The following ARHGAP24 variants were observed in gnomAD, a reference collection of about 807,000 sequenced individuals.
ARHGAP24 encodes Rho GTPase activating protein 24, also known as rho GTPase-activating protein 24.
ARHGAP24 carries 50 observed loss-of-function variants against 76.4 expected under a neutral mutation model. The observed-to-expected ratio is 0.65, with a 90% CI of 0.52 to 0.83. The LOEUF (loss-of-function observed/expected upper bound fraction) is 0.83. ARHGAP24 is among the 40% of genes least tolerant of loss of function. The pLI is 0.00. For synonymous variants in ARHGAP24, 345 were observed against 323.3 expected (o/e 1.07, Z -0.72); for missense variants, 930 against 914.2 (o/e 1.02, Z -0.22).
At chr4:85,777,703 GC>G (rs1217576595) in intron 3 of ARHGAP24, among the ~76,000 whole-genome samples, 20 of 152,244 alleles carry the variant, frequency 1.3e-4, no homozygotes, top group South Asian at 4.1e-4. Context: ...GGAAGCTATT[GC>G]TTGTCTGTTA....
intron 3 of ARHGAP24, among the ~76,000 whole-genome samples, chr4:85,826,782 G>A (rs1038463395): frequency 1.3e-5 from 2 of 152,174 alleles, no homozygotes; most frequent in Non-Finnish European, 1.5e-5. Flanking sequence ...TGACACCTAG[G>A]AGGTTAAATT....
intron 3 of ARHGAP24, among the ~76,000 whole-genome samples, chr4:85,755,017 C>T (rs543578724): frequency 6.6e-6 from 1 of 152,268 alleles, no homozygotes; most frequent in African/African-American, 2.4e-5. Flanking sequence ...TATAGATTGC[C>T]TCTATAAGTT....
At chr4:85,974,227 C>T (rs1392033595) in intron 6 of ARHGAP24, among the ~76,000 whole-genome samples, 2 of 152,042 alleles carry the variant, frequency 1.3e-5, no homozygotes, top group Non-Finnish European at 2.9e-5. Flanking sequence ...GCTGCTTTTG[C>T]ACTACAACAG....
chr4:85,776,376 TA>T (rs1418173790), intron 3 of ARHGAP24, among the ~76,000 whole-genome samples: 2 of 152,190 alleles, frequency 1.3e-5, no homozygotes, highest in African/African-American at 4.8e-5. Context: ...ACTACACTAG[TA>T]TTCTGAAATT....
intron 3 of ARHGAP24, among the ~76,000 whole-genome samples, chr4:85,912,040 G>A (rs959650330): frequency 6.6e-6 from 1 of 152,120 alleles, no homozygotes; most frequent in African/African-American, 2.4e-5. Flanking sequence ...CCTAATTCTA[G>A]AAACAGATTG....
At chr4:85,925,702 T>C (rs1444700536) in intron 4 of ARHGAP24, among the ~76,000 whole-genome samples, 2 of 152,176 alleles carry the variant, frequency 1.3e-5, no homozygotes, top group Non-Finnish European at 2.9e-5. Flanking sequence ...ATACGAAAAA[T>C]ATAGTATATA....
At chr4:85,534,791 ATGGAAG>A (rs1164242130) in intron 1 of ARHGAP24, among the ~76,000 whole-genome samples, 1 of 152,104 alleles carries the variant, frequency 6.6e-6, no homozygotes, top group East Asian at 1.9e-4. Flanking sequence ...CTCTAACCTA[ATGGAAG>A]TGGAAGTCAC....
intron 3 of ARHGAP24, among the ~76,000 whole-genome samples, chr4:85,778,365 A>C (rs2110082383): frequency 6.6e-6 from 1 of 152,322 alleles, no homozygotes; most frequent in Admixed American, 6.5e-5. Context: ...CTTATTATGC[A>C]AGGATATAGA....
intron 3 of ARHGAP24, among the ~76,000 whole-genome samples, chr4:85,842,348 G>T (rs1342216284): frequency 1.3e-5 from 2 of 151,872 alleles, no homozygotes; most frequent in African/African-American, 2.4e-5. Flanking sequence ...TTTCTGCCTG[G>T]GTGATGCTGG....
chr4:85,545,296 C>T (rs1032945621), intron 1 of ARHGAP24, among the ~76,000 whole-genome samples: 3 of 152,090 alleles, frequency 2.0e-5, no homozygotes, highest in East Asian at 1.9e-4. Flanking sequence ...GACGGGGTTT[C>T]GCCAAGTTGG....
chr4:85,498,929 T>G (rs1723687145), intron 1 of ARHGAP24, among the ~76,000 whole-genome samples: 1 of 152,248 alleles, frequency 6.6e-6, no homozygotes. Context: ...CATACATTTA[T>G]TTTTTCTTTT....
At chr4:85,771,153 G>T (rs1727116145) in intron 3 of ARHGAP24, among the ~76,000 whole-genome samples, 1 of 152,160 alleles carries the variant, frequency 6.6e-6, no homozygotes, top group Admixed American at 6.5e-5. Flanking sequence ...AAACCAAAAG[G>T]AGATATATAG....
intron 3 of ARHGAP24, among the ~76,000 whole-genome samples, chr4:85,725,563 T>C (rs917172499): frequency 3.3e-5 from 5 of 152,252 alleles, no homozygotes; most frequent in Non-Finnish European, 7.3e-5. Flanking sequence ...ACACAGATGA[T>C]ACTGCTGGGG....
Position 85,657,379 on chromosome 4 carries a change from TAGTTTCATAACTTAA to T in ARHGAP24, c.181-64492_181-64478del, listed in dbSNP as rs1236591880. On this transcript the variant is annotated intron_variant, in intron 2 of 9. Coordinates refer to ENST00000395184, the MANE Select transcript of ARHGAP24 (RefSeq NM_001025616.3). The stretch of plus-strand genomic sequence containing the variant: ...GTTTCATAACTAAAGTTTGAACCTT[TAGTTTCATAACTTAA>T]AGTTTCATAACTTTAAGAAGGATTT... Among the ~76,000 whole-genome samples, 13 of 152,368 alleles carry T rather than the reference TAGTTTCATAACTTAA, an allele frequency of 8.5e-5. No homozygotes were observed. The South Asian group carries it at 1.0e-3, about 12-fold the overall frequency.
In ARHGAP24 at chr4:85,579,304, C is replaced by T. The variant is rs146173787; in HGVS notation, c.180+8583C>T. On this transcript the variant is annotated intron_variant, in intron 2 of 9. Transcript: ENST00000395184. ...GTCCATATTCAGACTATCTCATGTGCACAAACTCAGGAAAATTTCCATTAT... is the reference window on the plus strand; with the variant it reads ...GTCCATATTCAGACTATCTCATGTGTACAAACTCAGGAAAATTTCCATTAT... Among the ~76,000 whole-genome samples, 504 of 152,132 alleles carry T rather than the reference C, an allele frequency of 3.3e-3. 2 individuals carry two copies. Among genetic ancestry groups the T allele is most frequent in the Admixed American group, 6.3e-3 (96 of 15,268 alleles).
chr4:85,964,116 AAT>A (rs1738430316), intron 5 of ARHGAP24, among the ~76,000 whole-genome samples: 1 of 152,090 alleles, frequency 6.6e-6, no homozygotes, highest in Admixed American at 6.6e-5. Context: ...GTTATGTCAG[AAT>A]ATATATGAAC....
intron 3 of ARHGAP24, among the ~76,000 whole-genome samples, chr4:85,918,785 C>T (rs1235994940): frequency 3.9e-5 from 6 of 151,966 alleles, no homozygotes. Context: ...TAGATATAAA[C>T]AAGTAAAATT....
chr4:85,805,108 C>G (rs1226471412), intron 3 of ARHGAP24, among the ~76,000 whole-genome samples: 1 of 152,072 alleles, frequency 6.6e-6, no homozygotes, highest in Non-Finnish European at 1.5e-5. Context: ...GATTAGGGAG[C>G]CTGTGGTGAG....
At chr4:85,683,124 G>T (rs1381393129) in intron 2 of ARHGAP24, among the ~76,000 whole-genome samples, 4 of 110,046 alleles carry the variant, frequency 3.6e-5, no homozygotes, top group African/African-American at 1.3e-4. Flanking sequence ...GGGTGGGGGG[G>T]GGGTGCGGGG....
Sources: allele counts gnomAD v4.1 joint callset (sites outside exome capture counted in the v4.1 genomes callset), GRCh38; gene constraint gnomAD v4.1.1; transcripts MANE v1.5; gene names NCBI Gene and HGNC (gene_info 2026-07-23, HGNC 2026-07-21).